The following PCDH7 variants were observed in gnomAD, a reference collection of about 807,000 sequenced individuals.
PCDH7 encodes protocadherin 7.
In PCDH7, 17 loss-of-function variants were observed where a neutral mutation model predicts 58.9. That is an observed-to-expected ratio of 0.29 (90% CI 0.20 to 0.43). PCDH7 has a LOEUF of 0.43. Among genes scored for constraint, PCDH7 ranks in the 20% least tolerant of loss-of-function variants. The probability of loss-of-function intolerance (pLI) is 1.00; values close to 1 mark genes in which losing one functional copy is unlikely to be tolerated. For missense variants in PCDH7, 1,274 were observed against 1,441.0 expected, an observed-to-expected ratio of 0.88 and a Z score of 1.88; for synonymous variants, 664 against 616.4, an observed-to-expected ratio of 1.08 and a Z score of -1.14.
chr4:30,774,294 G>C (rs1425030414), intron 1 of PCDH7, among the ~76,000 whole-genome samples: 1 of 152,166 alleles, frequency 6.6e-6, no homozygotes, highest in Non-Finnish European at 1.5e-5. Flanking sequence ...GAGAGGCAAA[G>C]TTACACAGCA....
At chr4:31,025,336 T>A (rs537686940) in intron 3 of PCDH7, among the ~76,000 whole-genome samples, 5 of 152,334 alleles carry the variant, frequency 3.3e-5, no homozygotes, top group African/African-American at 1.2e-4. Flanking sequence ...GCTGTTAGTA[T>A]ACAAACAGCA....
intron 1 of PCDH7, among the ~76,000 whole-genome samples, chr4:30,739,504 A>G (rs1716795511): frequency 2.0e-5 from 3 of 152,140 alleles, no homozygotes; most frequent in Non-Finnish European, 2.9e-5. Context: ...ACAAGGATCA[A>G]TTTCATATAC....
intron 1 of PCDH7, among the ~76,000 whole-genome samples, chr4:30,792,252 G>T (rs1192534679): frequency 2.0e-5 from 3 of 152,138 alleles, no homozygotes; most frequent in East Asian, 1.9e-4. Flanking sequence ...CTTTTTGAAA[G>T]AAATATATTA....
chr4:30,779,010 T>G (rs925165399), intron 1 of PCDH7, among the ~76,000 whole-genome samples: 1 of 140,834 alleles, frequency 7.1e-6, no homozygotes, highest in Admixed American at 7.1e-5. Context: ...TCCGTTTTTT[T>G]TTTTTTTTTT....
intron 3 of PCDH7, among the ~76,000 whole-genome samples, chr4:31,009,749 T>G (rs983851455): frequency 3.3e-5 from 5 of 151,932 alleles, no homozygotes; most frequent in African/African-American, 7.2e-5. Context: ...CCATAAGATA[T>G]TCTCTGTACT....
At chr4:31,146,487 T>C (rs1401218551), downstream of PCDH7, 4 of 152,120 alleles carry the variant, frequency 2.6e-5, no homozygotes, top group Non-Finnish European at 2.9e-5. Context: ...TTCAGCTACC[T>C]AGGGTTTACT....
At chr4:30,780,303 C>T (rs1031813761) in intron 1 of PCDH7, among the ~76,000 whole-genome samples, 49 of 152,056 alleles carry the variant, frequency 3.2e-4, no homozygotes, top group African/African-American at 1.2e-3. Flanking sequence ...GTCAGGAGTT[C>T]AAGACCAGCC....
At chr4:30,912,719 A>G (rs896356420) in intron 1 of PCDH7, among the ~76,000 whole-genome samples, 3 of 152,172 alleles carry the variant, frequency 2.0e-5, no homozygotes, top group African/African-American at 7.2e-5. Context: ...TTTCCAATAG[A>G]TGGCATCCTT....
intron 1 of PCDH7, among the ~76,000 whole-genome samples, chr4:30,766,486 G>A (rs1369018090): frequency 6.6e-6 from 1 of 152,112 alleles, no homozygotes; most frequent in Non-Finnish European, 1.5e-5. Context: ...TGTGCTAAAT[G>A]ACAATGACAC....
At chr4:31,051,854 G>A (rs750580157) in intron 3 of PCDH7, among the ~76,000 whole-genome samples, 7 of 151,104 alleles carry the variant, frequency 4.6e-5, no homozygotes, top group Non-Finnish European at 8.8e-5. Context: ...TAGGGGAATT[G>A]TTCATGATAT....
intron 1 of PCDH7, among the ~76,000 whole-genome samples, chr4:30,860,249 C>G (rs746677824): frequency 2.0e-5 from 3 of 152,096 alleles, no homozygotes; most frequent in East Asian, 1.9e-4. Flanking sequence ...CATGACCTCT[C>G]TCTCTCCAGG....
At chr4:30,803,821 G>T (rs540509472) in intron 1 of PCDH7, among the ~76,000 whole-genome samples, 1 of 152,306 alleles carries the variant, frequency 6.6e-6, no homozygotes, top group East Asian at 1.9e-4. Context: ...CCTTGTAAAT[G>T]TAAGACTTAC....
intron 2 of PCDH7, among the ~76,000 whole-genome samples, chr4:30,940,934 C>T (rs1745960033): frequency 6.6e-6 from 1 of 151,706 alleles, no homozygotes; most frequent in Non-Finnish European, 1.5e-5. Flanking sequence ...TATATACATA[C>T]ATAATGAAAT....
chr4:30,806,757 A>G (rs1340224605), intron 1 of PCDH7, among the ~76,000 whole-genome samples: 1 of 151,776 alleles, frequency 6.6e-6, no homozygotes, highest in Non-Finnish European at 1.5e-5. Context: ...TTCTGTCAAA[A>G]TACTCTATTT....
chr4:30,925,030 A>T (rs928989833), intron 2 of PCDH7, among the ~76,000 whole-genome samples: 2 of 152,108 alleles, frequency 1.3e-5, no homozygotes, highest in African/African-American at 4.8e-5. Flanking sequence ...TTTTGACTTT[A>T]TACATGAATA....
intron 3 of PCDH7, among the ~76,000 whole-genome samples, chr4:31,119,040 T>C (rs148874676): frequency 6.6e-6 from 1 of 152,096 alleles, no homozygotes; most frequent in Non-Finnish European, 1.5e-5. Flanking sequence ...TTTTTCCTAA[T>C]GCAGTTTTTC....
intron 1 of PCDH7, among the ~76,000 whole-genome samples, chr4:30,856,630 A>G (rs886140203): frequency 6.6e-6 from 1 of 151,596 alleles, no homozygotes; most frequent in African/African-American, 2.4e-5. Flanking sequence ...ATTCATGCTT[A>G]GGAAAATATA....
intron 3 of PCDH7, among the ~76,000 whole-genome samples, chr4:30,972,520 G>T (rs1016063562): frequency 6.6e-6 from 1 of 152,062 alleles, no homozygotes; most frequent in Non-Finnish European, 1.5e-5. Context: ...GTCAATTTCT[G>T]GTCCAGGTAC....
At chr4:30,915,990 A>T (rs1742422823) in intron 1 of PCDH7, among the ~76,000 whole-genome samples, 1 of 152,158 alleles carries the variant, frequency 6.6e-6, no homozygotes, top group Non-Finnish European at 1.5e-5. Flanking sequence ...CATGTTGTTT[A>T]TGCCTCCATT....
Sources: gnomAD v4.1 joint callset for allele counts (sites outside exome capture counted in the v4.1 genomes callset) on GRCh38, gnomAD v4.1.1 for gene constraint, MANE v1.5 for transcripts, NCBI Gene and HGNC (gene_info 2026-07-23, HGNC 2026-07-21) for gene names.